The following STRIP2 variants were observed in gnomAD, a reference collection of about 807,000 sequenced individuals.
STRIP2 encodes striatin-interacting protein 2.
A neutral mutation model predicts 107.1 loss-of-function variants in STRIP2; 84 were observed. The ratio of observed to expected loss-of-function variants is 0.78; its 90% confidence interval spans 0.66 to 0.94. The LOEUF (loss-of-function observed/expected upper bound fraction) is 0.94, where lower values mean the gene tolerates loss of function less well. STRIP2 is among the 40% of genes least tolerant of loss of function. The pLI is 0.00. For synonymous variants in STRIP2, 394 were observed against 400.4 expected, an observed-to-expected ratio of 0.98 and a Z score of 0.19; for missense variants, 888 against 1,034.2, an observed-to-expected ratio of 0.86 and a Z score of 1.94.
rs949092239 is a variant in STRIP2, at chr7:129,485,766, C to G, written c.2442C>G (p.Leu814=). 1 of 1,614,104 alleles carries G rather than the reference C, an allele frequency of 6.2e-7. No individual in the cohort carries two copies. The highest frequency in any genetic ancestry group is 1.3e-5 in the African/African-American group (1 of 74,944). ...AAGATTTCCACTATTCATATGAGCT[C>G]TGGCTCGAGAGAGAGGTGTTTTCAC... ...LPEDFHYSYE[L]WLEREVFSQP... The change falls in exon 21 of 21, where the codon CTC becomes CTG. Residue 814 remains leucine, a synonymous_variant. Transcript: ENST00000249344.
Position 129,434,503 on chromosome 7 carries a change from G to A in STRIP2, c.31G>A (p.Gly11Ser). 6.6e-7 allele frequency: 1 copy of A among 1,518,318 alleles called. No individual in the cohort carries two copies. Among genetic ancestry groups the A allele is most frequent in the South Asian group, 1.2e-5 (1 of 82,140 alleles). The allele number at this position is 1,518,318 out of a possible 1,614,324, so 94.1% of individuals were successfully genotyped here. A position where few individuals can be genotyped will look rare whatever the true frequency, so the allele number is the denominator to read the frequency against. ...GGACCCCGCCGCGCCTGGGACCGGG[G>A]GCCCGCCCGCAAATGGCAATGGCAA... MEDPAAPGTGGPPANGNGNGG... is the reference protein window; with the variant it reads MEDPAAPGTGSPPANGNGNGG... The change falls in exon 1 of 21, where the codon GGC (glycine) becomes AGC (serine). Residue 11 changes from glycine (G) to serine (S), a missense_variant. By Grantham distance (56) the Gly-to-Ser change is moderately conservative. Transcript: ENST00000249344.
chr7:129,484,853 C>T (rs1176188311), intron 20 of STRIP2, among the ~76,000 whole-genome samples: 1 of 152,158 alleles, frequency 6.6e-6, no homozygotes, highest in Non-Finnish European at 1.5e-5. Context: ...ACTACACTTC[C>T]TTATGATAAA....
At chr7:129,436,085 C>T (rs567734628) in intron 1 of STRIP2, among the ~76,000 whole-genome samples, 59 of 152,226 alleles carry the variant, frequency 3.9e-4, no homozygotes, top group Admixed American at 2.6e-3. Flanking sequence ...TTTTAGGGCA[C>T]CCTGTACCTC....
At chr7:129,470,863 G>A in intron 18 of STRIP2, 148 bp downstream of exon 18, 2 of 685,594 alleles carry the variant, frequency 2.9e-6, no homozygotes, top group Non-Finnish European at 2.6e-6. Context: ...AGATGCAGCA[G>A]GGGTTTAGAG....
intron 18 of STRIP2, among the ~76,000 whole-genome samples, chr7:129,475,763 ACT>A (rs1774947363): frequency 1.3e-5 from 2 of 151,610 alleles, no homozygotes. Flanking sequence ...AGTGGTGATG[ACT>A]CTTAACGAGC....
At position 129,485,717 on chromosome 7, in the gene STRIP2, TG is replaced by T; in HGVS notation, c.2397del (p.Gln800ArgfsTer37). ...GTGGATAACTGCTTGCAGAGCGTAC[TG>T]GGGCAGAGGTTGGATCTGCCTGAAG... ...SPVDNCLQSV[L>X]GQRLDLPEDF... is the part of the protein sequence containing the mutation. On this transcript the variant is annotated frameshift_variant, in exon 21 of 21. Transcript: ENST00000249344. LOFTEE classifies it high-confidence loss of function. The T allele has an allele frequency of 6.2e-7, 1 of 1,614,176 alleles. No homozygotes were observed. Among genetic ancestry groups the T allele is most frequent in the Non-Finnish European group, 8.5e-7 (1 of 1,180,036 alleles).
At chr7:129,478,813 A>G (rs1467131087) in intron 18 of STRIP2, among the ~76,000 whole-genome samples, 2 of 152,166 alleles carry the variant, frequency 1.3e-5, no homozygotes, top group East Asian at 3.8e-4. Context: ...ATCTATTCCA[A>G]TGCTGCTTCT....
Position 129,461,481 on chromosome 7 carries a change from G to A in STRIP2, c.1476+1109G>A, listed in dbSNP as rs1421873306. 6.6e-6 allele frequency among the ~76,000 whole-genome samples: 1 copy of A among 152,204 alleles called. No individual in the cohort carries two copies. Among genetic ancestry groups the A allele is most frequent in the Non-Finnish European group, 1.5e-5 (1 of 68,046 alleles). ...GTATGTTGAGGGGGGGATGTGTCAGGAAAGGAGCCAGAAGAATATGAAAGA... is the reference window on the plus strand; with the variant it reads ...GTATGTTGAGGGGGGGATGTGTCAGAAAAGGAGCCAGAAGAATATGAAAGA... On this transcript the variant is annotated intron_variant, in intron 13 of 20. Coordinates refer to ENST00000249344, the MANE Select transcript of STRIP2 (RefSeq NM_020704.3). The surrounding 1 kb of genome is among the most constrained non-coding windows in gnomAD (Gnocchi z 4.0).
At chr7:129,442,341 CAT>C (rs1018840423) in intron 2 of STRIP2, among the ~76,000 whole-genome samples, 2 of 152,114 alleles carry the variant, frequency 1.3e-5, no homozygotes, top group Admixed American at 1.3e-4. Flanking sequence ...AGAGCAATAT[CAT>C]ATGTTTACAG....
chr7:129,483,383 A>G lies in STRIP2; in HGVS notation c.2254+337A>G. On this transcript the variant is annotated intron_variant, in intron 20 of 20. Transcript: ENST00000249344. The surrounding 1 kb of genome is among the most constrained non-coding windows in gnomAD (Gnocchi z 5.1). ...ATTATTACAAAGCAGTTAGAAAAAA[A>G]GATAGAAAATACAAGTAAACAAACA... The G allele has an allele frequency of 1.1e-6, 1 of 938,612 alleles. No homozygotes were observed. The allele number at this position is 938,612 out of a possible 1,614,324, so 58.1% of individuals were successfully genotyped here.
chr7:129,461,715 T>C lies in STRIP2; in HGVS notation c.1477-1251T>C, dbSNP rs1012382954. On this transcript the variant is annotated intron_variant, in intron 13 of 20. Transcript: ENST00000249344. This position sits in a 1 kb window ranked among gnomAD's most constrained non-coding sequence, Gnocchi z 4.0. ...TGAAGTAGTGGGACTGAAAGCCTAA[T>C]TGGAGTGTATTGAAGGGAATGTCAA... Among the ~76,000 whole-genome samples the C allele has an allele frequency of 1.3e-5, 2 of 152,160 alleles. No individual in the cohort carries two copies. The highest frequency in any genetic ancestry group is 2.4e-5 in the African/African-American group (1 of 41,434).
Position 129,467,403 on chromosome 7 carries a change from G to A in STRIP2, c.1830G>A (p.Leu610=), listed in dbSNP as rs777152419. The change falls in exon 17 of 21, where the codon CTG becomes CTA. Residue 610 remains leucine, a synonymous_variant. Coordinates refer to ENST00000249344, the MANE Select transcript of STRIP2 (RefSeq NM_020704.3). ...LVFANCIPLI[L]KFFNQNILSY... ...TTGCCAACTGCATCCCCTTGATCCTGAAGTTCTTCAATCAAAATATCTTGT... is the reference window on the plus strand; with the variant it reads ...TTGCCAACTGCATCCCCTTGATCCTAAAGTTCTTCAATCAAAATATCTTGT... The A allele has an allele frequency of 1.2e-6, 2 of 1,613,694 alleles. No individual in the cohort carries two copies. The highest frequency in any genetic ancestry group is 1.7e-6 in the Non-Finnish European group (2 of 1,179,858).
intron 3 of STRIP2, among the ~76,000 whole-genome samples, chr7:129,450,440 C>G (rs764129403): frequency 6.6e-6 from 1 of 152,160 alleles, no homozygotes; most frequent in Non-Finnish European, 1.5e-5. Flanking sequence ...ATGTTTCATC[C>G]CATCTTCAAC....
chr7:129,441,749 T>G (rs558490020), intron 2 of STRIP2, among the ~76,000 whole-genome samples: 1 of 151,526 alleles, frequency 6.6e-6, no homozygotes, highest in Non-Finnish European at 1.5e-5. Context: ...TGCCACCATG[T>G]CCAGCTAATT....
intron 18 of STRIP2, among the ~76,000 whole-genome samples, chr7:129,476,213 A>ATGGGG (rs1562916253): frequency 1.2e-4 from 1 of 8,338 alleles, no homozygotes; most frequent in African/African-American, 1.9e-4. Flanking sequence ...TCCCTCCCGG[A>ATGGGG]CGGGGCGGCT....
intron 9 of STRIP2, 125 bp downstream of exon 9, chr7:129,456,767 A>G (rs1266601926): frequency 8.5e-6 from 7 of 824,354 alleles, no homozygotes; most frequent in Middle Eastern, 3.6e-4. Context: ...GGTTGGCCCT[A>G]TGACCAACCT....
At chr7:129,445,003 CCTT>C (rs1274989854) in intron 3 of STRIP2, among the ~76,000 whole-genome samples, 3 of 152,152 alleles carry the variant, frequency 2.0e-5, no homozygotes, top group Non-Finnish European at 2.9e-5. Flanking sequence ...TTGATGACTA[CCTT>C]CTTCTACTAC....
chr7:129,463,683 T>C (rs1393764028), intron 14 of STRIP2, among the ~76,000 whole-genome samples: 1 of 152,142 alleles, frequency 6.6e-6, no homozygotes, highest in Non-Finnish European at 1.5e-5. Flanking sequence ...TTAGTAGAGA[T>C]GGAGTTTTAC....
chr7:129,470,629 C>A lies in STRIP2; in HGVS notation c.1878-20C>A. On this transcript the variant is annotated intron_variant, in intron 17 of 20. Coordinates refer to ENST00000249344, the MANE Select transcript of STRIP2 (RefSeq NM_020704.3). ...TGTTGCCATTTACCTAAAGCCTGTC[C>A]TTATCTCTGCATCTTACAGCATCTC... The A allele has an allele frequency of 6.2e-7, 1 of 1,609,444 alleles. No individual in the cohort carries two copies. Among genetic ancestry groups the A allele is most frequent in the Non-Finnish European group, 8.5e-7 (1 of 1,175,776 alleles).
Sources: allele counts gnomAD v4.1 joint callset (sites outside exome capture counted in the v4.1 genomes callset), GRCh38; gene constraint gnomAD v4.1.1; non-coding constraint Gnocchi (gnomAD v3.1); transcripts MANE v1.5; gene names NCBI Gene and HGNC (gene_info 2026-07-23, HGNC 2026-07-21).